The following ALG6 variants were observed in gnomAD, a reference collection of about 807,000 sequenced individuals.
The protein encoded by ALG6 is ALG6 alpha-1,3-glucosyltransferase.
ALG6 carries 46 observed loss-of-function variants against 66.6 expected under a neutral mutation model. The observed-to-expected ratio is 0.69, with a 90% CI of 0.55 to 0.88. The LOEUF is 0.88. Among genes scored for constraint, ALG6 ranks in the 40% least tolerant of loss-of-function variants. The probability of loss-of-function intolerance (pLI) is 0.00; values close to 1 mark genes in which losing one functional copy is unlikely to be tolerated. For missense variants in ALG6, 505 were observed against 586.8 expected (o/e 0.86, Z 1.44); for synonymous variants, 185 against 203.7 (o/e 0.91, Z 0.78).
chr1:63,394,163 G>A (rs183788982), intron 2 of ALG6, among the ~76,000 whole-genome samples: 112 of 152,280 alleles, frequency 7.4e-4, no homozygotes, highest in African/African-American at 2.6e-3. Flanking sequence ...ATTTCAGTGA[G>A]CAATAATATG....
intron 4 of ALG6, among the ~76,000 whole-genome samples, chr1:63,403,717 C>T (rs147386573): frequency 1.3e-5 from 2 of 152,102 alleles, no homozygotes; most frequent in African/African-American, 2.4e-5. Flanking sequence ...CCTATTGTTC[C>T]TAGGCTACAA....
At chr1:63,436,667 G>C (rs1461108751) in intron 14 of ALG6, among the ~76,000 whole-genome samples, 156 bp from the exon 15 acceptor site, 2 of 152,098 alleles carry the variant, frequency 1.3e-5, no homozygotes, top group Non-Finnish European at 2.9e-5. Context: ...CTCCTCATAT[G>C]ATTCTAATAG....
At chr1:63,394,303 G>A (rs959780935) in intron 2 of ALG6, among the ~76,000 whole-genome samples, 3 of 152,040 alleles carry the variant, frequency 2.0e-5, no homozygotes, top group Non-Finnish European at 2.9e-5. Flanking sequence ...TCACAATTTT[G>A]TAGTCAACTG....
chr1:63,397,774 C>G (rs1029977722), intron 3 of ALG6, among the ~76,000 whole-genome samples: 2 of 152,056 alleles, frequency 1.3e-5, no homozygotes, highest in Admixed American at 1.3e-4. Context: ...GAGTTCAGAT[C>G]CCAGCTCTAC....
rs1353652453 is a variant in ALG6, at chr1:63,433,176, C to CAA, written c.1327-3647_1327-3646insAA. Reference sequence around the variant, plus strand: ...CAGGCTGGTCTCGAACTCCTGACCTCGTGATCCACCCGCCTCAGCCTCCCA... The same window carrying CAA: ...CAGGCTGGTCTCGAACTCCTGACCTCAAGTGATCCACCCGCCTCAGCCTCCCA... On this transcript the variant is annotated intron_variant, in intron 14 of 14. Transcript: ENST00000263440. The surrounding 1 kb of genome is among the most constrained non-coding windows in gnomAD (Gnocchi z 4.2). Among the ~76,000 whole-genome samples, 1 of 152,030 alleles carries CAA rather than the reference C, an allele frequency of 6.6e-6. No individual in the cohort carries two copies. Among genetic ancestry groups the CAA allele is most frequent in the Non-Finnish European group, 1.5e-5 (1 of 67,998 alleles).
At chr1:63,381,584 G>A (rs553711251) in intron 2 of ALG6, among the ~76,000 whole-genome samples, 8 of 151,958 alleles carry the variant, frequency 5.3e-5, no homozygotes, top group East Asian at 1.9e-4. Flanking sequence ...GGTCAAGGCC[G>A]CAGTGAGCCG....
intron 3 of ALG6, among the ~76,000 whole-genome samples, chr1:63,398,482 C>CT (rs964396810): frequency 1.3e-5 from 2 of 151,872 alleles, no homozygotes; most frequent in African/African-American, 2.4e-5. Flanking sequence ...AATTATATTT[C>CT]TTTTTTTTGA....
intron 3 of ALG6, among the ~76,000 whole-genome samples, chr1:63,401,934 AG>A (rs1178025665): frequency 6.6e-6 from 1 of 152,214 alleles, no homozygotes; most frequent in East Asian, 1.9e-4. Context: ...CCTAAAATTC[AG>A]AGAGCCTTGC....
At chr1:63,388,427 A>G (rs541953960) in intron 2 of ALG6, among the ~76,000 whole-genome samples, 90 of 152,348 alleles carry the variant, frequency 5.9e-4, no homozygotes, top group African/African-American at 2.1e-3. Flanking sequence ...ATGATTACTT[A>G]ATACTGATTG....
chr1:63,411,307 T>A lies in ALG6; in HGVS notation c.656T>A (p.Phe219Tyr). The A allele has an allele frequency of 3.1e-6, 5 of 1,613,810 alleles. No homozygotes were observed. Among genetic ancestry groups the A allele is most frequent in the Non-Finnish European group, 4.2e-6 (5 of 1,179,846 alleles). ...PFFCFLLGKCFKKGLKGKGFV... is the reference protein window; with the variant it reads ...PFFCFLLGKCYKKGLKGKGFV... Reference sequence around the variant, plus strand: ...TTTTGCTTTTTACTTGGCAAGTGTTTTAAAAAAGGCCTCAAAGGAAAGGGG... The same window carrying A: ...TTTTGCTTTTTACTTGGCAAGTGTTATAAAAAAGGCCTCAAAGGAAAGGGG... The change falls in exon 8 of 15, where the codon TTT becomes TAT. Residue 219 changes from phenylalanine to tyrosine, a missense_variant. Phe to Tyr is a conservative substitution (Grantham distance 22, BLOSUM62 3). Transcript: ENST00000263440.
At chr1:63,412,173 A>G in intron 9 of ALG6, 112 bp downstream of exon 9, 3 of 1,480,300 alleles carry the variant, frequency 2.0e-6, no homozygotes, top group Non-Finnish European at 1.9e-6. Flanking sequence ...TCCTCCTGTA[A>G]TCATTCCTTG....
intron 2 of ALG6, among the ~76,000 whole-genome samples, chr1:63,386,062 A>G (rs1428622548): frequency 2.6e-5 from 4 of 152,222 alleles, no homozygotes; most frequent in Admixed American, 2.0e-4. Flanking sequence ...TTCAGCATCA[A>G]CCAAAATGGT....
chr1:63,411,240 A>G lies in ALG6; in HGVS notation c.589A>G (p.Ile197Val). Residue 197 changes from isoleucine (I) to valine (V), a missense_variant, in exon 8 of 15, where the codon ATA becomes GTA. Physicochemically the swap from Ile to Val is conservative, Grantham distance 29 (BLOSUM62 3). Coordinates refer to ENST00000263440, the MANE Select transcript of ALG6 (RefSeq NM_013339.4). ...AGGGTCACTGGCATTTTGCTTAGCT[A>G]TAAATTATAAACAGATGGAACTTTA... Reference protein sequence around the residue: ...LLGSLAFCLAINYKQMELYHA... With the variant: ...LLGSLAFCLAVNYKQMELYHA... 1 of 1,614,020 alleles carries G rather than the reference A, an allele frequency of 6.2e-7. No homozygotes were observed. The highest frequency in any genetic ancestry group is 1.1e-5 in the South Asian group (1 of 91,088).
At chr1:63,371,998 A>G (rs1013316401) in intron 2 of ALG6, among the ~76,000 whole-genome samples, 2 of 152,234 alleles carry the variant, frequency 1.3e-5, no homozygotes, top group Non-Finnish European at 2.9e-5. Context: ...AGAGAGGTAA[A>G]TGATCAAGAT....
In ALG6 at chr1:63,418,134, CA is replaced by C. The variant is rs757286574; in HGVS notation, c.988-1222del. On this transcript the variant is annotated intron_variant, in intron 11 of 14. Coordinates refer to ENST00000263440, the MANE Select transcript of ALG6 (RefSeq NM_013339.4). ...GGGCAACAAGAGTGAAACTCCATCT[CA>C]AAAAAAAAAAAAAGTAGTGTTATGT... is the stretch of plus-strand genomic sequence containing the variant. Among the ~76,000 whole-genome samples, 742 of 117,278 alleles carry C rather than the reference CA, an allele frequency of 6.3e-3. 5 individuals are homozygous for C. Among genetic ancestry groups the C allele is most frequent in the East Asian group, 0.017 (72 of 4,178 alleles). 76.9% of individuals were successfully genotyped at this position (117,278 alleles called of 152,430 possible). A position where few individuals can be genotyped will look rare whatever the true frequency, so the allele number is the denominator to read the frequency against.
At chr1:63,406,267 C>G (rs1282159561) in intron 5 of ALG6, 50 bp from the exon 6 acceptor site, 1 of 1,503,150 alleles carries the variant, frequency 6.7e-7, no homozygotes, top group Admixed American at 1.7e-5. Flanking sequence ...TAATGGGTAG[C>G]TGTAAATCCT....
chr1:63,411,353 G>T, intron 8 of ALG6, 22 bp downstream of exon 8: 1 of 1,606,040 alleles, frequency 6.2e-7, no homozygotes, highest in Non-Finnish European at 8.5e-7. Flanking sequence ...TTAAACACTA[G>T]AATCCAAAAA....
At chr1:63,402,106 T>G in intron 3 of ALG6, 148 bp from the exon 4 acceptor site, 1 of 658,570 alleles carries the variant, frequency 1.5e-6, no homozygotes, top group South Asian at 1.7e-5. Flanking sequence ...CTGGTTTGTG[T>G]CTATTGACAT....
chr1:63,405,923 A>C (rs1052392008), intron 5 of ALG6, among the ~76,000 whole-genome samples: 17 of 152,014 alleles, frequency 1.1e-4, no homozygotes, highest in Non-Finnish European at 2.1e-4. Context: ...TTTTCAATAA[A>C]GACCAACATT....
Sources: gnomAD v4.1 joint callset for allele counts (sites outside exome capture counted in the v4.1 genomes callset) on GRCh38, gnomAD v4.1.1 for gene constraint, Gnocchi (gnomAD v3.1) non-coding constraint, MANE v1.5 for transcripts, NCBI Gene and HGNC (gene_info 2026-07-23, HGNC 2026-07-21) for gene names.